Variants in EPGN observed in about 807,000 individuals in gnomAD.
The protein encoded by EPGN is epithelial mitogen, also known as epigen.
EPGN carries 21 observed loss-of-function variants against 20.7 expected under a neutral mutation model. That is an observed-to-expected ratio of 1.01 (90% CI 0.72 to 1.46). EPGN has a LOEUF of 1.46. EPGN is among the 40% of genes most tolerant of loss of function. The probability of loss-of-function intolerance (pLI) is 0.00; values close to 1 mark genes in which losing one functional copy is unlikely to be tolerated. For synonymous variants in EPGN, 69 were observed against 63.8 expected (o/e 1.08, Z -0.39); for missense variants, 199 against 180.7 (o/e 1.10, Z -0.58).
rs750995898 is a variant in EPGN, at chr4:74,308,589, C to CTTTTG, written c.43+21_43+25dup. 8.1e-6 allele frequency: 13 copies of CTTTTG among 1,607,124 alleles called. No individual in the cohort carries two copies. Among genetic ancestry groups the CTTTTG allele is most frequent in the Non-Finnish European group, 9.4e-6 (11 of 1,175,772 alleles). The stretch of plus-strand genomic sequence containing the variant: ...CTTTTATTCAACGGTAGGTAATTTC[C>CTTTTG]TTTTGTTTTGTTAACTTTATATCAG... On this transcript the variant is annotated intron_variant, in intron 1 of 4. Coordinates refer to ENST00000413830, the MANE Select transcript of EPGN (RefSeq NM_001270989.2).
In EPGN at chr4:74,309,087, A is replaced by C. The variant is rs1750722698; in HGVS notation, c.44-6A>C. ...TGTTAAAGATGCTTTTGCCCCCTTA[A>C]TACAGCAATGACAGCACTGACCGAA... On this transcript the variant is annotated splice_polypyrimidine_tract_variant and splice_region_variant and intron_variant, in intron 1 of 4. Coordinates refer to ENST00000413830, the MANE Select transcript of EPGN (RefSeq NM_001270989.2). 1.2e-6 allele frequency: 2 copies of C among 1,611,182 alleles called. No individual in the cohort carries two copies. Among genetic ancestry groups the C allele is most frequent in the Non-Finnish European group, 1.7e-6 (2 of 1,178,196 alleles).
rs1578787415 is a variant in EPGN at position 74,312,208 on chromosome 4, G to A, written c.157G>A (p.Ala53Thr). 1 of 1,612,498 alleles carries A rather than the reference G, an allele frequency of 6.2e-7. No homozygotes were observed. The highest frequency in any genetic ancestry group is 1.7e-4 in the Middle Eastern group (1 of 6,052). ...AGCTGACAACATAGAAGGACCCATA[G>A]CCTTGAAGTTCTCACACCTTTGCCT... ...TEADNIEGPI[A>T]LKFSHLCLED... Residue 53 changes from alanine (A) to threonine (T), a missense_variant, in exon 3 of 5, where the codon GCC becomes ACC. By Grantham distance (58) the Ala-to-Thr change is moderately conservative. Transcript: ENST00000413830.
At chr4:74,313,279 A>AAAAG (rs1751087156) in intron 4 of EPGN, 109 bp downstream of exon 4, 1 of 1,427,960 alleles carries the variant, frequency 7.0e-7, no homozygotes, top group Non-Finnish European at 9.1e-7. Context: ...TTTTAATTAA[A>AAAAG]AAAGAGCTGT....
Position 74,315,438 on chromosome 4 carries a change from G to A in EPGN, c.*801G>A, listed in dbSNP as rs1455772499. 1 of 152,096 alleles carries A rather than the reference G, an allele frequency of 6.6e-6. No individual in the cohort carries two copies. Among genetic ancestry groups the A allele is most frequent in the Non-Finnish European group, 1.5e-5 (1 of 68,026 alleles). 9.4% of individuals were successfully genotyped at this position (152,096 alleles called of 1,614,324 possible). ...TTCATCACTTCTTCCAGTTATCAGTGGAATTACCTGGTGACCATTCATTTG... is the reference window on the plus strand; with the variant it reads ...TTCATCACTTCTTCCAGTTATCAGTAGAATTACCTGGTGACCATTCATTTG... On this transcript the variant is annotated 3_prime_UTR_variant, in exon 5 of 5. Transcript: ENST00000413830.
intron 4 of EPGN, 181 bp from the exon 5 acceptor site, chr4:74,314,399 G>T: frequency 1.6e-6 from 1 of 631,260 alleles, no homozygotes; most frequent in Non-Finnish European, 2.8e-6. Context: ...GCAGACCTTG[G>T]GAGAAGACTG....
chr4:74,314,952 A>G lies in EPGN; in HGVS notation c.*315A>G. 1 of 324,450 alleles carries G rather than the reference A, an allele frequency of 3.1e-6. No individual in the cohort carries two copies. The highest frequency in any genetic ancestry group is 5.6e-6 in the Non-Finnish European group (1 of 177,262). The allele number at this position is 324,450 out of a possible 1,614,324, so 20.1% of individuals were successfully genotyped here. ...AGTTTCATGCTCCTGGCTATGTCAG[A>G]TGTGAATTTTCATGGGAATAATAAT... On this transcript the variant is annotated 3_prime_UTR_variant, in exon 5 of 5. Coordinates refer to ENST00000413830, the MANE Select transcript of EPGN (RefSeq NM_001270989.2).
intron 4 of EPGN, 51 bp from the exon 5 acceptor site, chr4:74,314,529 A>G: frequency 6.6e-7 from 1 of 1,508,532 alleles, no homozygotes; most frequent in East Asian, 2.5e-5. Context: ...AGCTTCAATG[A>G]CCTATATGAA....
intron 2 of EPGN, 45 bp from the exon 3 acceptor site, chr4:74,312,140 A>G (rs774809448): frequency 1.3e-6 from 2 of 1,555,572 alleles, no homozygotes; most frequent in Non-Finnish European, 1.7e-6. Context: ...TTACCATAAA[A>G]GTAAGACACA....
chr4:74,313,076 G>A lies in EPGN; in HGVS notation c.313G>A (p.Val105Met), dbSNP rs753076857. ...CEHLTLTSYA[V>M]DSYEKYIAIG... ...GCACTTGACTTTAACTTCATATGCT[G>A]TGGATTCTTATGAAAAATACATTGC... is the stretch of plus-strand genomic sequence containing the variant. Residue 105 changes from valine to methionine, a missense_variant, in exon 4 of 5, where the codon GTG becomes ATG. By Grantham distance (21) the Val-to-Met change is conservative. Coordinates refer to ENST00000413830, the MANE Select transcript of EPGN (RefSeq NM_001270989.2). 21 of 1,613,106 alleles carry A rather than the reference G, an allele frequency of 1.3e-5. No individual in the cohort carries two copies. Among genetic ancestry groups the A allele is most frequent in the Admixed American group, 1.7e-5 (1 of 59,902 alleles).
intron 2 of EPGN, among the ~76,000 whole-genome samples, chr4:74,310,905 C>A (rs1430917601): frequency 2.0e-5 from 3 of 152,004 alleles, no homozygotes; most frequent in Non-Finnish European, 2.9e-5. Flanking sequence ...ATGTTATGTA[C>A]AGATGCTTTT....
At chr4:74,312,942 T>A in intron 3 of EPGN, 76 bp from the exon 4 acceptor site, 4 of 1,212,862 alleles carry the variant, frequency 3.3e-6, no homozygotes, top group South Asian at 1.5e-5. Context: ...TTTATTTTTT[T>A]AAATTTATTG....
chr4:74,312,935 AT>A (rs1751053486), intron 3 of EPGN, 82 bp from the exon 4 acceptor site: 20 of 1,159,590 alleles, frequency 1.7e-5, no homozygotes, highest in Non-Finnish European at 2.0e-5. Flanking sequence ...ATTTCCATTT[AT>A]TTTTTTAAAT....
rs1019514477 is a variant in EPGN at position 74,315,488 on chromosome 4, C to A, written c.*851C>A. ...GGACCGAAATCCTGGAAGTCTCCTA[C>A]TGAATAAAAGTCTACAATTGGCCCT... On this transcript the variant is annotated 3_prime_UTR_variant, in exon 5 of 5. Coordinates refer to ENST00000413830, the MANE Select transcript of EPGN (RefSeq NM_001270989.2). Among the ~76,000 whole-genome samples, 8 of 152,260 alleles carry A rather than the reference C, an allele frequency of 5.3e-5. No individual in the cohort carries two copies. In the East Asian group the frequency reaches 1.5e-3, roughly 29 times the overall value.
chr4:74,312,757 T>G (rs1391983368), intron 3 of EPGN, among the ~76,000 whole-genome samples: 1 of 152,206 alleles, frequency 6.6e-6, no homozygotes, highest in Non-Finnish European at 1.5e-5. Context: ...TATGGAAGAA[T>G]AGGCTAATGA....
chr4:74,309,086 A>T lies in EPGN; in HGVS notation c.44-7A>T, dbSNP rs751535059. The T allele has an allele frequency of 1.9e-5, 30 of 1,610,642 alleles. No individual in the cohort carries two copies. Among genetic ancestry groups the T allele is most frequent in the Non-Finnish European group, 2.2e-5 (26 of 1,177,790 alleles). On this transcript the variant is annotated splice_polypyrimidine_tract_variant and splice_region_variant and intron_variant, in intron 1 of 4. Transcript: ENST00000413830. ...CTGTTAAAGATGCTTTTGCCCCCTT[A>T]ATACAGCAATGACAGCACTGACCGA...
chr4:74,314,794 G>A lies in EPGN; in HGVS notation c.*157G>A. 1 of 709,962 alleles carries A rather than the reference G, an allele frequency of 1.4e-6. No homozygotes were observed. The highest frequency in any genetic ancestry group is 1.8e-5 in the African/African-American group (1 of 55,766). The allele number at this position is 709,962 out of a possible 1,614,324, so 44.0% of individuals were successfully genotyped here. A position where few individuals can be genotyped will look rare whatever the true frequency, so the allele number is the denominator to read the frequency against. On this transcript the variant is annotated 3_prime_UTR_variant, in exon 5 of 5. Coordinates refer to ENST00000413830, the MANE Select transcript of EPGN (RefSeq NM_001270989.2). ...AATGAGAAGATAAAATTCAGCGTTG[G>A]CCTTTAGACTTTGCCATCCTTAAGG...
At chr4:74,309,833 A>C (rs373372919) in intron 2 of EPGN, among the ~76,000 whole-genome samples, 1 of 152,178 alleles carries the variant, frequency 6.6e-6, no homozygotes, top group East Asian at 1.9e-4. Context: ...GTTGCTTACC[A>C]AGACCTGTGA....
At chr4:74,311,120 C>A (rs918040794) in intron 2 of EPGN, among the ~76,000 whole-genome samples, 2 of 151,854 alleles carry the variant, frequency 1.3e-5, no homozygotes, top group Non-Finnish European at 2.9e-5. Flanking sequence ...CATTCTCATT[C>A]TTAGGGGAAA....
intron 3 of EPGN, among the ~76,000 whole-genome samples, chr4:74,312,541 G>C (rs1247237262): frequency 2.0e-5 from 3 of 152,116 alleles, no homozygotes; most frequent in Non-Finnish European, 2.9e-5. Context: ...GAACCTGGGT[G>C]CTTGTTAGAA....
Sources: allele counts gnomAD v4.1 joint callset (sites outside exome capture counted in the v4.1 genomes callset), GRCh38; gene constraint gnomAD v4.1.1; transcripts MANE v1.5; gene names NCBI Gene and HGNC (gene_info 2026-07-23, HGNC 2026-07-21).